Variants in ZNF676 observed in about 807,000 individuals in gnomAD.
ZNF676 encodes the protein zinc finger protein 676.
A neutral mutation model predicts 6.0 loss-of-function variants in ZNF676; 4 were observed. The observed-to-expected ratio is 0.67, with a 90% CI of 0.33 to 1.53. ZNF676 has a LOEUF of 1.53. ZNF676 is among the 40% of genes most tolerant of loss of function. The probability of loss-of-function intolerance (pLI) is 0.06; values close to 1 mark genes in which losing one functional copy is unlikely to be tolerated. For synonymous variants in ZNF676, 198 were observed against 223.1 expected (o/e 0.89, Z 1.00); for missense variants, 644 against 679.7 (o/e 0.95, Z 0.58).
chr19:22,234,960 AAGAGAAAG>A, the ZNF676 span, among the ~76,000 whole-genome samples: 1 of 123,140 alleles, frequency 8.1e-6, no homozygotes, highest in African/African-American at 3.1e-5. Flanking sequence ...GAAAGAAAGC[AAGAGAAAG>A]AAAGAAAGAA....
chr19:22,198,246 A>C (rs1365825272), upstream of ZNF676, among the ~76,000 whole-genome samples: 1 of 152,210 alleles, frequency 6.6e-6, no homozygotes, highest in Non-Finnish European at 1.5e-5. Flanking sequence ...CCACAAAGGG[A>C]CATTTTTAAT....
chr19:22,223,917 G>A, the ZNF676 span, among the ~76,000 whole-genome samples: 1 of 151,190 alleles, frequency 6.6e-6, no homozygotes, highest in Non-Finnish European at 1.5e-5. Flanking sequence ...TGTAAGAATA[G>A]CACATATTCT....
chr19:22,222,712 T>G, the ZNF676 span, among the ~76,000 whole-genome samples: 1 of 152,168 alleles, frequency 6.6e-6, no homozygotes, highest in Non-Finnish European at 1.5e-5. Context: ...TCTTTATTTG[T>G]AATAGAGAGA....
upstream of ZNF676, among the ~76,000 whole-genome samples, chr19:22,217,676 TTAA>T (rs1409069604): frequency 1.4e-5 from 2 of 145,100 alleles, no homozygotes; most frequent in African/African-American, 5.2e-5. Context: ...TTTTGATGTT[TTAA>T]TTATGGTCTT....
chr19:22,239,895 C>T, the ZNF676 span, among the ~76,000 whole-genome samples: 1 of 152,172 alleles, frequency 6.6e-6, no homozygotes, highest in Admixed American at 6.5e-5. Context: ...AGCAATATAT[C>T]ACAATGCCCT....
chr19:22,213,018 A>G (rs2024146123), intron 1 of ZNF676, among the ~76,000 whole-genome samples: 1 of 152,146 alleles, frequency 6.6e-6, no homozygotes, highest in African/African-American at 2.4e-5. Flanking sequence ...AAGAAAAAAA[A>G]CTAAGGTCAA....
intron 2 of ZNF676, among the ~76,000 whole-genome samples, chr19:22,185,554 A>T (rs1459956612): frequency 6.6e-6 from 1 of 151,880 alleles, no homozygotes; most frequent in African/African-American, 2.4e-5. Context: ...AAATTTGCAA[A>T]TTTCAGAGGT....
At chr19:22,245,573 G>C in the ZNF676 span, among the ~76,000 whole-genome samples, 1 of 150,102 alleles carries the variant, frequency 6.7e-6, no homozygotes, top group South Asian at 2.1e-4. Context: ...GTTATGGTCA[G>C]GGACATGTCA....
intron 2 of ZNF676, among the ~76,000 whole-genome samples, chr19:22,184,846 A>T (rs1485041501): frequency 2.0e-5 from 3 of 150,684 alleles, no homozygotes; most frequent in African/African-American, 4.9e-5. Context: ...AAAAAAAAAA[A>T]AAAAAAGGCA....
chr19:22,228,422 G>A, the ZNF676 span, among the ~76,000 whole-genome samples: 1 of 152,188 alleles, frequency 6.6e-6, no homozygotes, highest in Admixed American at 6.5e-5. Context: ...AAACCTGGAA[G>A]CATTCCCTTT....
chr19:22,232,292 C>T, the ZNF676 span, among the ~76,000 whole-genome samples: 1 of 151,958 alleles, frequency 6.6e-6, no homozygotes, highest in South Asian at 2.1e-4. Context: ...CTCAGCCTCC[C>T]GAGTAGCTGG....
chr19:22,179,859 T>C lies in ZNF676; in HGVS notation c.*91A>G. 1.4e-6 allele frequency: 2 copies of C among 1,417,140 alleles called. No homozygotes were observed. The highest frequency in any genetic ancestry group is 2.0e-6 in the Non-Finnish European group (2 of 1,013,304). The allele number at this position is 1,417,140 out of a possible 1,614,324, so 87.8% of individuals were successfully genotyped here. A position where few individuals can be genotyped will look rare whatever the true frequency, so the allele number is the denominator to read the frequency against. ...ACTGTTTAAAAGCTTTGCCACATTC[T>C]TCACCTTTGTAGATTTTCTCTCCAG... On this transcript the variant is annotated 3_prime_UTR_variant, in exon 3 of 3. Coordinates refer to ENST00000397121, the MANE Select transcript of ZNF676 (RefSeq NM_001001411.3).
chr19:22,199,302 G>A (rs1287699271), upstream of ZNF676, among the ~76,000 whole-genome samples: 1 of 152,192 alleles, frequency 6.6e-6, no homozygotes, highest in Non-Finnish European at 1.5e-5. Context: ...GCAGAACACA[G>A]ATACTTCTGG....
chr19:22,253,366 G>GTATATATATATATATATATA, the ZNF676 span, among the ~76,000 whole-genome samples: 1 of 63,720 alleles, frequency 1.6e-5, no homozygotes, highest in African/African-American at 6.0e-5. Context: ...GTGTGTGTGT[G>GTATATATATATATATATATA]TGTGTGTATA....
the ZNF676 span, among the ~76,000 whole-genome samples, chr19:22,226,388 A>G: frequency 6.6e-6 from 1 of 152,228 alleles, no homozygotes; most frequent in East Asian, 1.9e-4. Flanking sequence ...GTTAATAATC[A>G]AATTTTAAAA....
chr19:22,219,741 C>T (rs2024229045), upstream of ZNF676, among the ~76,000 whole-genome samples: 1 of 151,822 alleles, frequency 6.6e-6, no homozygotes, highest in African/African-American at 2.4e-5. Context: ...CTGCAATCTC[C>T]ACCTCCCAGA....
At chr19:22,195,057 T>A (rs1217467283) in intron 1 of ZNF676, among the ~76,000 whole-genome samples, 1 of 152,194 alleles carries the variant, frequency 6.6e-6, no homozygotes, top group African/African-American at 2.4e-5. Context: ...GAAATCCAAG[T>A]AGTTTTAATG....
At chr19:22,251,804 A>T in the ZNF676 span, among the ~76,000 whole-genome samples, 210 of 151,244 alleles carry the variant, frequency 1.4e-3, 1 homozygote, top group African/African-American at 4.6e-3. Flanking sequence ...AAAAAAAAAA[A>T]TCCGGATCAC....
At chr19:22,201,638 G>C (rs960259379), upstream of ZNF676, among the ~76,000 whole-genome samples, 2 of 147,770 alleles carry the variant, frequency 1.4e-5, no homozygotes, top group Non-Finnish European at 3.0e-5. Context: ...GTTTATTTGG[G>C]TCAAGCTTAA....
Sources: allele counts gnomAD v4.1 joint callset (sites outside exome capture counted in the v4.1 genomes callset), GRCh38; gene constraint gnomAD v4.1.1; transcripts MANE v1.5; gene names NCBI Gene and HGNC (gene_info 2026-07-23, HGNC 2026-07-21).